Variants in TLL1 observed in about 807,000 individuals in gnomAD.
TLL1 encodes the protein tolloid-like protein 1.
In TLL1, 49 loss-of-function variants were observed where a neutral mutation model predicts 128.2. The ratio of observed to expected loss-of-function variants is 0.38; its 90% CI spans 0.30 to 0.48. The LOEUF (loss-of-function observed/expected upper bound fraction) is 0.48. TLL1 is among the 20% of genes least tolerant of loss of function. TLL1 has a pLI of 0.96. For missense variants in TLL1, 1,123 were observed against 1,242.0 expected (o/e 0.90, Z 1.44); for synonymous variants, 454 against 418.8 (o/e 1.08, Z -1.03).
chr4:165,936,196 A>G (rs1477860051), intron 1 of TLL1, among the ~76,000 whole-genome samples: 1 of 143,640 alleles, frequency 7.0e-6, no homozygotes, highest in Non-Finnish European at 1.5e-5. Flanking sequence ...TGCTTCATAT[A>G]TATATATATA....
At chr4:165,943,547 A>T (rs1037669600) in intron 1 of TLL1, among the ~76,000 whole-genome samples, 1 of 152,054 alleles carries the variant, frequency 6.6e-6, no homozygotes, top group African/African-American at 2.4e-5. Flanking sequence ...TTATCTCCTT[A>T]AAAATTGGAC....
chr4:165,974,133 C>CTTTTTTTTTTTTTTTT lies in TLL1; in HGVS notation c.170-15238_170-15223dup, dbSNP rs199741025. ...CTTAGGATTAAGTCCTGGACCTCAT[C>CTTTTTTTTTTTTTTTT]TTTTTTTTTTTTTTTTTTTTTTTTT... is the stretch of plus-strand genomic sequence containing the variant. On this transcript the variant is annotated intron_variant, in intron 1 of 20. Coordinates refer to ENST00000061240, the MANE Select transcript of TLL1 (RefSeq NM_012464.5). 3.3e-5 allele frequency among the ~76,000 whole-genome samples: 2 copies of CTTTTTTTTTTTTTTTT among 60,748 alleles called. 1 individual carries two copies. The highest frequency in any genetic ancestry group is 5.3e-5 in the Non-Finnish European group (2 of 37,758). The allele number at this position is 60,748 out of a possible 152,430, so 39.9% of individuals were successfully genotyped here. A position where few individuals can be genotyped will look rare whatever the true frequency, so the allele number is the denominator to read the frequency against.
At chr4:165,935,926 G>A (rs1293066420) in intron 1 of TLL1, among the ~76,000 whole-genome samples, 1 of 151,902 alleles carries the variant, frequency 6.6e-6, no homozygotes, top group African/African-American at 2.4e-5. Flanking sequence ...TCCAGCAATT[G>A]GCAGTTGGAT....
chr4:165,993,125 T>C (rs980689509), intron 3 of TLL1, among the ~76,000 whole-genome samples: 1 of 152,098 alleles, frequency 6.6e-6, no homozygotes, highest in African/African-American at 2.4e-5. Context: ...ATGTATCAGG[T>C]GTTTATTTTA....
rs1369368495 is a variant in TLL1 at position 165,886,468 on chromosome 4, C to A, written c.169+12395C>A. Reference sequence around the variant, plus strand: ...ATGTGTTCTCTTCCTAAAAGGATTTCAAAATCTGCTAGAAAAAAAGTAACA... The same window carrying A: ...ATGTGTTCTCTTCCTAAAAGGATTTAAAAATCTGCTAGAAAAAAAGTAACA... On this transcript the variant is annotated intron_variant, in intron 1 of 20. Transcript: ENST00000061240. Among the ~76,000 whole-genome samples the A allele has an allele frequency of 2.0e-5, 3 of 152,018 alleles. No homozygotes were observed. The East Asian group carries it at 5.8e-4, about 29-fold the overall frequency.
chr4:165,979,651 G>T (rs1736058440), intron 1 of TLL1, among the ~76,000 whole-genome samples: 1 of 152,074 alleles, frequency 6.6e-6, no homozygotes, highest in Non-Finnish European at 1.5e-5. Flanking sequence ...TGCCAGGCAT[G>T]GTGCTGTGCG....
intron 1 of TLL1, among the ~76,000 whole-genome samples, chr4:165,960,823 G>T (rs372439541): frequency 1.3e-5 from 2 of 152,080 alleles, no homozygotes; most frequent in Middle Eastern, 6.8e-3. Flanking sequence ...AATAATAAGA[G>T]TCAACTCTGA....
chr4:166,072,300 A>G (rs960133934), intron 16 of TLL1, among the ~76,000 whole-genome samples: 2 of 151,986 alleles, frequency 1.3e-5, no homozygotes, highest in Non-Finnish European at 2.9e-5. Flanking sequence ...GTAAAAAATG[A>G]CAGATACTTA....
intron 6 of TLL1, among the ~76,000 whole-genome samples, chr4:166,005,354 A>G (rs1005691666): frequency 2.0e-5 from 3 of 151,972 alleles, no homozygotes; most frequent in Non-Finnish European, 2.9e-5. Context: ...TAATTAGGGA[A>G]AAACTGGATG....
At chr4:166,029,889 A>G (rs987000457) in intron 9 of TLL1, among the ~76,000 whole-genome samples, 1 of 152,012 alleles carries the variant, frequency 6.6e-6, no homozygotes, top group African/African-American at 2.4e-5. Context: ...CCTTTCATTC[A>G]TTGGTAGACA....
chr4:165,899,015 T>C (rs987155987), intron 1 of TLL1, among the ~76,000 whole-genome samples: 4 of 152,236 alleles, frequency 2.6e-5, no homozygotes, highest in Middle Eastern at 3.2e-3. Context: ...TTTATTTGCA[T>C]AGAAGTGTCT....
At position 165,919,400 on chromosome 4, in the gene TLL1, A is replaced by AG. The variant is rs1554006868; in HGVS notation, c.169+45328dup. 2.2e-3 allele frequency among the ~76,000 whole-genome samples: 331 copies of AG among 150,730 alleles called. 2 individuals are homozygous for AG. In the East Asian group the frequency reaches 0.04, roughly 18 times the overall value. ...CCTGCTTCAAAAAAAAAAAAAAAAA[A>AG]GAATAAACAAAAATCAATATTACTT... is the stretch of plus-strand genomic sequence containing the variant. On this transcript the variant is annotated intron_variant, in intron 1 of 20. Coordinates refer to ENST00000061240, the MANE Select transcript of TLL1 (RefSeq NM_012464.5).
At chr4:165,880,114 C>T (rs942214705) in intron 1 of TLL1, among the ~76,000 whole-genome samples, 5 of 152,050 alleles carry the variant, frequency 3.3e-5, no homozygotes, top group African/African-American at 1.2e-4. Flanking sequence ...TGACATAGAT[C>T]GTGTTCTTTT....
chr4:165,966,726 T>G (rs543221072), intron 1 of TLL1, among the ~76,000 whole-genome samples: 95 of 151,208 alleles, frequency 6.3e-4, no homozygotes, highest in African/African-American at 2.2e-3. Context: ...AGGGGAGGGG[T>G]GTACAAATAG....
chr4:166,024,234 C>A (rs147049959), intron 8 of TLL1, among the ~76,000 whole-genome samples: 1 of 152,208 alleles, frequency 6.6e-6, no homozygotes, highest in African/African-American at 2.4e-5. Flanking sequence ...ACATTTATAT[C>A]ATATCTATTT....
chr4:166,070,365 A>T (rs990883919), intron 16 of TLL1, among the ~76,000 whole-genome samples: 1 of 151,954 alleles, frequency 6.6e-6, no homozygotes, highest in Non-Finnish European at 1.5e-5. Flanking sequence ...GGAACTTGAC[A>T]TATTTTAAAT....
intron 1 of TLL1, among the ~76,000 whole-genome samples, chr4:165,927,279 T>C (rs572981184): frequency 1.3e-5 from 2 of 152,362 alleles, no homozygotes; most frequent in African/African-American, 2.4e-5. Flanking sequence ...GTAGTAATAC[T>C]GAATTGCTGG....
intron 9 of TLL1, among the ~76,000 whole-genome samples, chr4:166,031,865 G>GA (rs1266462167): frequency 1.3e-5 from 2 of 151,952 alleles, no homozygotes; most frequent in East Asian, 1.9e-4. Flanking sequence ...ACAATAAATA[G>GA]AAAAAACCTA....
At chr4:165,945,399 A>G (rs116057628) in intron 1 of TLL1, among the ~76,000 whole-genome samples, 1,882 of 152,264 alleles carry the variant, frequency 0.012, 12 homozygotes, top group Non-Finnish European at 0.018. Flanking sequence ...TACATATTGG[A>G]GCAATTTATA....
Sources: gnomAD v4.1 joint callset for allele counts (sites outside exome capture counted in the v4.1 genomes callset) on GRCh38, gnomAD v4.1.1 for gene constraint, MANE v1.5 for transcripts, NCBI Gene and HGNC (gene_info 2026-07-23, HGNC 2026-07-21) for gene names.